CPE: variants seen among roughly 807,000 people sequenced by gnomAD.
The protein encoded by CPE is carboxypeptidase E.
Under a neutral mutation model 53.5 loss-of-function variants are expected in CPE, and 17 were observed. The observed-to-expected ratio is 0.32, with a 90% CI of 0.22 to 0.48. The LOEUF is 0.48. CPE is among the 20% of genes least tolerant of loss of function. The pLI, the probability that CPE is intolerant of heterozygous loss-of-function variation, is 0.99. For missense variants in CPE, 524 were observed against 614.7 expected (o/e 0.85, Z 1.56); for synonymous variants, 226 against 228.8 (o/e 0.99, Z 0.11).
chr4:165,396,231 G>A (rs1470911160), intron 1 of CPE, among the ~76,000 whole-genome samples: 1 of 151,756 alleles, frequency 6.6e-6, no homozygotes, highest in Non-Finnish European at 1.5e-5. Flanking sequence ...CGGGGCTAGG[G>A]AACTTATTGG....
intron 2 of CPE, among the ~76,000 whole-genome samples, chr4:165,465,857 T>C (rs547109166): frequency 5.3e-5 from 8 of 152,326 alleles, no homozygotes; most frequent in Non-Finnish European, 1.2e-4. Context: ...AAAAATAGGT[T>C]GCTGTGATTT....
At chr4:165,464,624 C>A (rs1366999161) in intron 2 of CPE, 38 bp downstream of exon 2, 3 of 1,519,322 alleles carry the variant, frequency 2.0e-6, no homozygotes, top group Non-Finnish European at 1.8e-6. Context: ...GTGCTTTCTT[C>A]ATTTTCTGTA....
chr4:165,379,225 G>A lies in CPE; in HGVS notation c.4G>A (p.Ala2Thr). ...CCGGCGGCGGCGGAGCGCAGCGATG[G>A]CCGGGCGAGGGGGCAGCGCGCTGCT... M[A>T]GRGGSALLAL... The change falls in exon 1 of 9, where the codon GCC becomes ACC. Residue 2 changes from alanine to threonine, a missense_variant. Coordinates refer to ENST00000402744, the MANE Select transcript of CPE (RefSeq NM_001873.4). The surrounding 1 kb of genome is among the most constrained non-coding windows in gnomAD (Gnocchi z 6.0). The A allele has an allele frequency of 8.1e-7, 1 of 1,231,382 alleles. No individual in the cohort carries two copies. The highest frequency in any genetic ancestry group is 4.3e-5 in the Admixed American group (1 of 23,366). 76.3% of individuals were successfully genotyped at this position (1,231,382 alleles called of 1,614,324 possible).
intron 1 of CPE, among the ~76,000 whole-genome samples, chr4:165,436,753 C>T (rs747890686): frequency 6.6e-6 from 1 of 152,156 alleles, no homozygotes; most frequent in Non-Finnish European, 1.5e-5. Context: ...ATCCTCCTGC[C>T]CCAGCCTCCT....
chr4:165,393,277 A>T (rs898371659), intron 1 of CPE, among the ~76,000 whole-genome samples: 46 of 152,194 alleles, frequency 3.0e-4, no homozygotes, highest in African/African-American at 1.1e-3. Flanking sequence ...ATCCAGCTGC[A>T]TTTGTCTAAC....
chr4:165,409,404 A>G (rs1462047673), intron 1 of CPE, among the ~76,000 whole-genome samples: 1 of 152,106 alleles, frequency 6.6e-6, no homozygotes, highest in Non-Finnish European at 1.5e-5. Context: ...GGGTTTCGCC[A>G]TGTTGGCCTA....
At chr4:165,489,530 G>A (rs1460282205) in intron 6 of CPE, among the ~76,000 whole-genome samples, 1 of 152,136 alleles carries the variant, frequency 6.6e-6, no homozygotes, top group Non-Finnish European at 1.5e-5. Context: ...AGCAATAACA[G>A]TACACAGAAG....
At chr4:165,448,020 A>G (rs967549279) in intron 1 of CPE, among the ~76,000 whole-genome samples, 4 of 152,184 alleles carry the variant, frequency 2.6e-5, no homozygotes, top group African/African-American at 9.7e-5. Flanking sequence ...TACTAAATAT[A>G]TGCATGTATA....
At chr4:165,380,445 T>C (rs1730489366) in intron 1 of CPE, among the ~76,000 whole-genome samples, 1 of 152,182 alleles carries the variant, frequency 6.6e-6, no homozygotes, top group Non-Finnish European at 1.5e-5. Flanking sequence ...AATAAAGAGG[T>C]ATTTAAAAAT....
intron 1 of CPE, among the ~76,000 whole-genome samples, chr4:165,434,249 A>T (rs1357394943): frequency 6.6e-6 from 1 of 152,168 alleles, no homozygotes; most frequent in Non-Finnish European, 1.5e-5. Flanking sequence ...CCGAATTCTC[A>T]ACATTTTGTC....
chr4:165,448,733 G>A (rs970647573), intron 1 of CPE, among the ~76,000 whole-genome samples: 8 of 152,136 alleles, frequency 5.3e-5, no homozygotes, highest in African/African-American at 1.7e-4. Flanking sequence ...GCCTTACTGT[G>A]TCATTTTTGA....
At chr4:165,464,241 T>A (rs1579273722) in intron 1 of CPE, 149 bp from the exon 2 acceptor site, 1 of 609,324 alleles carries the variant, frequency 1.6e-6, no homozygotes, top group Non-Finnish European at 2.7e-6. Flanking sequence ...ATAGAAGGGG[T>A]ATTTTAATGT....
chr4:165,449,289 G>T (rs1392224786), intron 1 of CPE, among the ~76,000 whole-genome samples: 2 of 152,174 alleles, frequency 1.3e-5, no homozygotes, highest in African/African-American at 4.8e-5. Context: ...ATCAGGTCGA[G>T]GTTAATAACC....
intron 1 of CPE, among the ~76,000 whole-genome samples, chr4:165,402,131 T>G (rs1000408891): frequency 2.6e-5 from 4 of 152,196 alleles, no homozygotes; most frequent in Non-Finnish European, 5.9e-5. Context: ...TCTTTATGGA[T>G]CAAGAAGCCA....
intron 1 of CPE, among the ~76,000 whole-genome samples, chr4:165,422,984 A>AAAG (rs1223483552): frequency 2.0e-5 from 3 of 151,402 alleles, no homozygotes; most frequent in African/African-American, 7.3e-5. Context: ...CTCAAAAAAA[A>AAAG]AAAAAAAAAA....
chr4:165,464,011 T>C (rs1287424587), intron 1 of CPE, among the ~76,000 whole-genome samples: 1 of 152,230 alleles, frequency 6.6e-6, no homozygotes, highest in Non-Finnish European at 1.5e-5. Context: ...CACATGGTCT[T>C]TCCTCTGTGC....
Position 165,467,692 on chromosome 4 carries a change from G to A in CPE, c.509G>A (p.Gly170Asp). The A allele has an allele frequency of 6.4e-7, 1 of 1,570,790 alleles. No homozygotes were observed. The highest frequency in any genetic ancestry group is 8.6e-7 in the Non-Finnish European group (1 of 1,164,704). Reference protein sequence around the residue: ...DGFEKAASQPGELKDWFVGRS... With the variant: ...DGFEKAASQPDELKDWFVGRS... ...CTTTGACTTTTTTTTTTTTAGCCTG[G>A]TGAACTCAAGGACTGGTTTGTGGGT... is the stretch of plus-strand genomic sequence containing the variant. The change falls in exon 3 of 9, where the codon GGT becomes GAT. Residue 170 changes from glycine to aspartate, a missense_variant. Transcript: ENST00000402744.
At chr4:165,481,107 A>T (rs1318239254) in intron 3 of CPE, among the ~76,000 whole-genome samples, 1 of 151,008 alleles carries the variant, frequency 6.6e-6, no homozygotes, top group Non-Finnish European at 1.5e-5. Context: ...ACTTTTCCAC[A>T]GTTAACAGTA....
intron 1 of CPE, among the ~76,000 whole-genome samples, chr4:165,464,147 A>G (rs1181402803): frequency 6.6e-6 from 1 of 152,188 alleles, no homozygotes; most frequent in East Asian, 1.9e-4. Context: ...GTCACATTGG[A>G]TGTTAGACCT....
Sources: gnomAD v4.1 joint callset for allele counts (sites outside exome capture counted in the v4.1 genomes callset) on GRCh38, gnomAD v4.1.1 for gene constraint, Gnocchi (gnomAD v3.1) non-coding constraint, MANE v1.5 for transcripts, NCBI Gene and HGNC (gene_info 2026-07-23, HGNC 2026-07-21) for gene names.